Variants in GRIN2D observed in about 807,000 individuals in gnomAD.
GRIN2D encodes the protein glutamate receptor ionotropic, NMDA 2D.
GRIN2D carries 37 observed loss-of-function variants against 103.2 expected under a neutral mutation model. The observed-to-expected ratio is 0.36, with a 90% CI of 0.28 to 0.47. GRIN2D has a LOEUF of 0.47. GRIN2D is among the 20% of genes least tolerant of loss of function. The pLI, the probability that GRIN2D is intolerant of heterozygous loss-of-function variation, is 1.00. For missense variants in GRIN2D, 1,557 were observed against 1,910.6 expected, an observed-to-expected ratio of 0.81 and a Z score of 3.45; for synonymous variants, 845 against 885.6, an observed-to-expected ratio of 0.95 and a Z score of 0.81.
At chr19:48,441,685 A>G in intron 11 of GRIN2D, 84 bp from the exon 12 acceptor site, 1 of 1,070,950 alleles carries the variant, frequency 9.3e-7, no homozygotes, top group Non-Finnish European at 1.4e-6. Flanking sequence ...GAGCAGTTGG[A>G]GGTTACAGGT....
Position 48,405,785 on chromosome 19 carries a change from C to T in GRIN2D, c.1085+432C>T, listed in dbSNP as rs750643373. Among the ~76,000 whole-genome samples the T allele has an allele frequency of 1.3e-5, 2 of 152,130 alleles. No homozygotes were observed. The highest frequency in any genetic ancestry group is 4.8e-5 in the African/African-American group (2 of 41,436). Reference sequence around the variant, plus strand: ...AACAATCCAGTGGCCCAGATGAGGTCGAAGTTTGTTCCTCTCTCACGTAAC... The same window carrying T: ...AACAATCCAGTGGCCCAGATGAGGTTGAAGTTTGTTCCTCTCTCACGTAAC... On this transcript the variant is annotated intron_variant, in intron 4 of 13. Coordinates refer to ENST00000263269, the MANE Select transcript of GRIN2D (RefSeq NM_000836.4). This position sits in a 1 kb window ranked among gnomAD's most constrained non-coding sequence, Gnocchi z 5.1.
rs962315160 is a variant in GRIN2D, at chr19:48,409,645, T to C, written c.1085+4292T>C. Among the ~76,000 whole-genome samples the C allele has an allele frequency of 2.0e-5, 3 of 152,236 alleles. No homozygotes were observed. The South Asian group carries it at 6.2e-4, about 32-fold the overall frequency. The stretch of plus-strand genomic sequence containing the variant: ...ATAGCTTGCCTGTTCGGAAGCCTGT[T>C]TGGGAGCCTGCACTGCTGGTGTGGC... On this transcript the variant is annotated intron_variant, in intron 4 of 13. Transcript: ENST00000263269.
At chr19:48,397,601 G>C (rs1970658654) in intron 2 of GRIN2D, among the ~76,000 whole-genome samples, 1 of 151,140 alleles carries the variant, frequency 6.6e-6, no homozygotes, top group Non-Finnish European at 1.5e-5. Flanking sequence ...CAACTTTCTT[G>C]CCTCGCTTAT....
chr19:48,437,633 T>G (rs1971247049), intron 11 of GRIN2D, among the ~76,000 whole-genome samples: 2 of 152,184 alleles, frequency 1.3e-5, no homozygotes, highest in Admixed American at 1.3e-4. Context: ...CCACTCCCGC[T>G]TGTCCTCTGA....
chr19:48,437,734 C>G (rs895836865), intron 11 of GRIN2D, among the ~76,000 whole-genome samples: 11 of 152,156 alleles, frequency 7.2e-5, no homozygotes, highest in African/African-American at 2.7e-4. Flanking sequence ...ACTTAAACAT[C>G]AATAGCACTT....
intron 11 of GRIN2D, among the ~76,000 whole-genome samples, chr19:48,434,810 A>T (rs1398392694): frequency 6.6e-6 from 1 of 151,486 alleles, no homozygotes; most frequent in Non-Finnish European, 1.5e-5. Context: ...CAAACTCCTG[A>T]CCCCAAGGAA....
chr19:48,437,156 C>A (rs1478886420), intron 11 of GRIN2D, among the ~76,000 whole-genome samples: 2 of 152,138 alleles, frequency 1.3e-5, no homozygotes, highest in Admixed American at 6.6e-5. Flanking sequence ...GGGTCTCCCT[C>A]TGTAACCCAG....
Position 48,442,641 on chromosome 19 carries a change from C to A in GRIN2D, c.2715C>A (p.Pro905=). 6.7e-7 allele frequency: 1 copy of A among 1,489,448 alleles called. No homozygotes were observed. Among genetic ancestry groups the A allele is most frequent in the Non-Finnish European group, 8.9e-7 (1 of 1,121,324 alleles). 92.3% of individuals were successfully genotyped at this position (1,489,448 alleles called of 1,614,324 possible). Residue 905 remains proline (P), a synonymous_variant, in exon 14 of 14, where the codon CCC becomes CCA. Transcript: ENST00000263269. This position sits in a 1 kb window ranked among gnomAD's most constrained non-coding sequence, Gnocchi z 7.2. The part of the protein sequence containing the change: ...SCCSAEAAPP[P]AKPPPPPQPL... ...GCAGCGCTGAGGCCGCCCCACCGCC[C>A]GCCAAGCCCCCGCCGCCGCCACAGC...
chr19:48,404,933 C>T lies in GRIN2D; in HGVS notation c.665C>T (p.Thr222Met), dbSNP rs1182846180. 1.2e-6 allele frequency: 2 copies of T among 1,613,498 alleles called. No homozygotes were observed. The highest frequency in any genetic ancestry group is 8.5e-7 in the Non-Finnish European group (1 of 1,179,852). Residue 222 changes from threonine (T) to methionine (M), a missense_variant, in exon 4 of 14, where the codon ACG (threonine) becomes ATG (methionine). This residue lies in a region of GRIN2D where 490 missense variants were observed against 601.1 expected (regional missense o/e 0.82). Coordinates refer to ENST00000263269, the MANE Select transcript of GRIN2D (RefSeq NM_000836.4). The stretch of plus-strand genomic sequence containing the variant: ...GGCTGGGAGCACCGCGGAGCGCTGA[C>T]GCTGGACCCTGGGGCGGGCGAGGCC... ...LVGWEHRGAL[T>M]LDPGAGEAVL...
rs563232876 is a variant in GRIN2D, at chr19:48,441,756, C to T, written c.2253-13C>T. ...GTGGGACTGACCCTACCCTCCATTC[C>T]CCCTCCCCCCAGGAAGCTGGACGCC... On this transcript the variant is annotated splice_polypyrimidine_tract_variant and intron_variant, in intron 11 of 13. Coordinates refer to ENST00000263269, the MANE Select transcript of GRIN2D (RefSeq NM_000836.4). 6.2e-7 allele frequency: 1 copy of T among 1,603,098 alleles called. No homozygotes were observed. The highest frequency in any genetic ancestry group is 1.1e-5 in the South Asian group (1 of 90,044).
At chr19:48,420,156 C>A (rs758308838) in intron 10 of GRIN2D, among the ~76,000 whole-genome samples, 1 of 152,074 alleles carries the variant, frequency 6.6e-6, no homozygotes, top group Non-Finnish European at 1.5e-5. Flanking sequence ...AGGCTGGGCG[C>A]GGTGGCTCAC....
intron 11 of GRIN2D, among the ~76,000 whole-genome samples, chr19:48,435,532 C>T (rs1364041569): frequency 2.0e-5 from 3 of 152,122 alleles, no homozygotes; most frequent in African/African-American, 4.8e-5. Flanking sequence ...TCAGGTGATC[C>T]GCTCGAGGTT....
chr19:48,435,672 C>T (rs1971220362), intron 11 of GRIN2D, among the ~76,000 whole-genome samples: 3 of 152,244 alleles, frequency 2.0e-5, no homozygotes, highest in South Asian at 4.1e-4. Flanking sequence ...TATGAACTCC[C>T]GACCTCAGGA....
At chr19:48,397,423 G>C (rs936066963) in intron 2 of GRIN2D, among the ~76,000 whole-genome samples, 8 of 152,032 alleles carry the variant, frequency 5.3e-5, no homozygotes, top group Admixed American at 1.3e-4. Context: ...CTCCCTGGTG[G>C]GGGTCCCGAT....
In GRIN2D at chr19:48,423,253, G is replaced by A. The variant is rs138321830; in HGVS notation, c.2252+1308G>A. ...AAAAAAGTTGAGTTCAGGCCCCAAA[G>A]TGCAGCCCACGAATACAACAAGGCT... On this transcript the variant is annotated intron_variant, in intron 11 of 13. Transcript: ENST00000263269. 2.0e-3 allele frequency among the ~76,000 whole-genome samples: 307 copies of A among 152,150 alleles called. 1 individual carries two copies. Among genetic ancestry groups the A allele is most frequent in the African/African-American group, 7.0e-3 (291 of 41,532 alleles).
At chr19:48,417,449 C>T (rs911381562) in intron 8 of GRIN2D, among the ~76,000 whole-genome samples, 5 of 152,144 alleles carry the variant, frequency 3.3e-5, no homozygotes, top group Admixed American at 2.0e-4. Flanking sequence ...GCTGGAGAAG[C>T]GTACATCGGC....
intron 8 of GRIN2D, among the ~76,000 whole-genome samples, chr19:48,417,269 C>G (rs1227536040): frequency 6.6e-6 from 1 of 152,050 alleles, no homozygotes; most frequent in African/African-American, 2.4e-5. Context: ...AAATCCCACT[C>G]TGTGGAAGCA....
At chr19:48,437,340 G>A (rs753359946) in intron 11 of GRIN2D, among the ~76,000 whole-genome samples, 14 of 151,980 alleles carry the variant, frequency 9.2e-5, no homozygotes, top group South Asian at 2.1e-4. Context: ...AGCTGGTCTC[G>A]AACTCCTGGA....
chr19:48,419,547 G>A, intron 9 of GRIN2D, 38 bp from the exon 10 acceptor site: 2 of 1,495,846 alleles, frequency 1.3e-6, no homozygotes, highest in Non-Finnish European at 1.9e-6. Context: ...TATTGAGAAG[G>A]GATTTGGGGT....
Sources: allele counts gnomAD v4.1 joint callset (sites outside exome capture counted in the v4.1 genomes callset), GRCh38; gene constraint gnomAD v4.1.1; regional missense constraint gnomAD v4.1.1; non-coding constraint Gnocchi (gnomAD v3.1); transcripts MANE v1.5; gene names NCBI Gene and HGNC (gene_info 2026-07-23, HGNC 2026-07-21).